NADK2: variants seen among roughly 807,000 people sequenced by gnomAD.
NADK2 encodes NAD kinase domain-containing protein 1, mitochondrial.
Under a neutral mutation model 62.1 loss-of-function variants are expected in NADK2, and 35 were observed. The ratio of observed to expected loss-of-function variants is 0.56; its 90% CI spans 0.43 to 0.75. The LOEUF (loss-of-function observed/expected upper bound fraction) is 0.75. Among genes scored for constraint, NADK2 ranks in the 30% least tolerant of loss-of-function variants. NADK2 has a pLI of 0.00. For missense variants in NADK2, 439 were observed against 561.3 expected, an observed-to-expected ratio of 0.78 and a Z score of 2.20; for synonymous variants, 205 against 207.9, an observed-to-expected ratio of 0.99 and a Z score of 0.12.
rs2112131867 is a variant in NADK2 at position 36,217,757 on chromosome 5, G to A, written c.772C>T (p.His258Tyr). Residue 258 changes from histidine (H) to tyrosine (Y), a missense_variant, in exon 6 of 12, where the codon CAT (histidine) becomes TAT (tyrosine). Coordinates refer to ENST00000381937, the MANE Select transcript of NADK2 (RefSeq NM_001085411.3). ...HNRALNIERA[H>Y]DERSEASGPQ... ...TGCCCAATCCACCTACTTTCATCAT[G>A]AGCTCTTTCAATGTTAAGGGCTCTA... The A allele has an allele frequency of 6.2e-7, 1 of 1,613,704 alleles. No homozygotes were observed. The highest frequency in any genetic ancestry group is 1.7e-5 in the Admixed American group (1 of 59,998).
intron 7 of NADK2, among the ~76,000 whole-genome samples, chr5:36,208,272 T>C (rs538689321): frequency 2.0e-5 from 3 of 152,196 alleles, no homozygotes; most frequent in South Asian, 4.1e-4. Flanking sequence ...TTATTAAAAA[T>C]AAAAGATAGC....
chr5:36,236,197 A>C (rs1343714933), intron 1 of NADK2, among the ~76,000 whole-genome samples: 1 of 152,176 alleles, frequency 6.6e-6, no homozygotes. Flanking sequence ...GCTTATATAC[A>C]GTGAAGGCTG....
intron 7 of NADK2, among the ~76,000 whole-genome samples, chr5:36,211,269 A>G (rs867415998): frequency 6.6e-6 from 1 of 152,210 alleles, no homozygotes; most frequent in African/African-American, 2.4e-5. Flanking sequence ...TAAAAGTATT[A>G]ATTTTGGGAA....
rs1282031443 is a variant in NADK2, at chr5:36,193,852, A to G, written c.*1292T>C. 1 of 152,668 alleles carries G rather than the reference A, an allele frequency of 6.6e-6. No homozygotes were observed. The highest frequency in any genetic ancestry group is 2.4e-5 in the African/African-American group (1 of 41,452). 9.5% of individuals were successfully genotyped at this position (152,668 alleles called of 1,614,324 possible). ...TCTGAGCCCACAAGACTCAAATTGT[A>G]TAAGGATAGAGTCTGTTTCATTCAT... is the stretch of plus-strand genomic sequence containing the variant. On this transcript the variant is annotated 3_prime_UTR_variant, in exon 12 of 12. Transcript: ENST00000381937.
In NADK2 at chr5:36,193,695, T is replaced by C. The variant is rs945871320; in HGVS notation, c.*1449A>G. 2.0e-5 allele frequency: 3 copies of C among 152,506 alleles called. No homozygotes were observed. Among genetic ancestry groups the C allele is most frequent in the African/African-American group, 7.2e-5 (3 of 41,458 alleles). 9.4% of individuals were successfully genotyped at this position (152,506 alleles called of 1,614,324 possible). A position where few individuals can be genotyped will look rare whatever the true frequency, so the allele number is the denominator to read the frequency against. Reference sequence around the variant, plus strand: ...CTTTAAGAAAAATTGATTCTCTGGATATACATCAAAACCTAGATTAACTTT... The same window carrying C: ...CTTTAAGAAAAATTGATTCTCTGGACATACATCAAAACCTAGATTAACTTT... On this transcript the variant is annotated 3_prime_UTR_variant, in exon 12 of 12. Transcript: ENST00000381937.
At position 36,205,672 on chromosome 5, in the gene NADK2, C is replaced by T. The variant is rs750075691; in HGVS notation, c.956+1498G>A. Among the ~76,000 whole-genome samples, 6 of 151,976 alleles carry T rather than the reference C, an allele frequency of 3.9e-5. No homozygotes were observed. Among genetic ancestry groups the T allele is most frequent in the East Asian group, 1.9e-4 (1 of 5,172 alleles). ...ATGCTGGAAAGGATGTGGAGAAATA[C>T]AAACACTTTTACACTGTTGGTGGGA... On this transcript the variant is annotated intron_variant, in intron 8 of 11. Coordinates refer to ENST00000381937, the MANE Select transcript of NADK2 (RefSeq NM_001085411.3). The surrounding 1 kb of genome is among the most constrained non-coding windows in gnomAD (Gnocchi z 4.1).
intron 1 of NADK2, among the ~76,000 whole-genome samples, chr5:36,230,810 A>G (rs1747681890): frequency 6.6e-6 from 1 of 152,146 alleles, no homozygotes. Context: ...AAATTCATCT[A>G]AATATTTGAC....
In NADK2 at chr5:36,211,905, G is replaced by A; in HGVS notation, c.799C>T (p.Pro267Ser). ...AHDERSEASGPQLLPVRALNE... is the reference protein window; with the variant it reads ...AHDERSEASGSQLLPVRALNE... ...AGTGCTCTCACTGGCAGAAGTTGGGGTCCTGAAGCCTCAGACCCTGCATGT... is the reference window on the plus strand; with the variant it reads ...AGTGCTCTCACTGGCAGAAGTTGGGATCCTGAAGCCTCAGACCCTGCATGT... The change falls in exon 7 of 12, where the codon CCC becomes TCC. Residue 267 changes from proline (P) to serine (S), a missense_variant. Pro to Ser is a moderately conservative substitution (Grantham distance 74, BLOSUM62 -1). Transcript: ENST00000381937. 1 of 1,613,502 alleles carries A rather than the reference G, an allele frequency of 6.2e-7. No individual in the cohort carries two copies. The highest frequency in any genetic ancestry group is 8.5e-7 in the Non-Finnish European group (1 of 1,179,648).
chr5:36,240,854 C>T (rs1025094561), intron 1 of NADK2, among the ~76,000 whole-genome samples: 2 of 152,194 alleles, frequency 1.3e-5, no homozygotes, highest in Non-Finnish European at 2.9e-5. Flanking sequence ...GTCAAATTTT[C>T]TCCCTTTTCC....
In NADK2 at chr5:36,200,216, T is replaced by G. The variant is rs775393192; in HGVS notation, c.1066+11A>C. On this transcript the variant is annotated intron_variant, in intron 10 of 11. Coordinates refer to ENST00000381937, the MANE Select transcript of NADK2 (RefSeq NM_001085411.3). ...CTAAACTGTTAGTGATTATTATCAT[T>G]TGTCACTGACCTTTCTCTACCAATT... is the stretch of plus-strand genomic sequence containing the variant. 2 of 1,567,194 alleles carry G rather than the reference T, an allele frequency of 1.3e-6. No individual in the cohort carries two copies. The highest frequency in any genetic ancestry group is 2.8e-5 in the African/African-American group (2 of 72,634).
Position 36,195,044 on chromosome 5 carries a change from G to C in NADK2, c.*100C>G, listed in dbSNP as rs1746176489. Reference sequence around the variant, plus strand: ...TCACTTCTGAGCCCACGGGCAAGCAGTCTCAACAATAACCAAAAAATGTCA... The same window carrying C: ...TCACTTCTGAGCCCACGGGCAAGCACTCTCAACAATAACCAAAAAATGTCA... On this transcript the variant is annotated 3_prime_UTR_variant, in exon 12 of 12. Transcript: ENST00000381937. The C allele has an allele frequency of 3.1e-6, 4 of 1,306,498 alleles. No individual in the cohort carries two copies. The highest frequency in any genetic ancestry group is 4.2e-6 in the Non-Finnish European group (4 of 955,100). 80.9% of individuals were successfully genotyped at this position (1,306,498 alleles called of 1,614,324 possible).
chr5:36,227,134 T>C (rs767732767), intron 2 of NADK2, among the ~76,000 whole-genome samples: 43 of 152,256 alleles, frequency 2.8e-4, no homozygotes, highest in Non-Finnish European at 5.6e-4. Context: ...TTTCAAACAC[T>C]CAAAAATATT....
intron 1 of NADK2, among the ~76,000 whole-genome samples, chr5:36,237,268 A>C (rs908028184): frequency 6.6e-6 from 1 of 152,182 alleles, no homozygotes; most frequent in Non-Finnish European, 1.5e-5. Flanking sequence ...CACAAAATAA[A>C]GTAACATACA....
At chr5:36,199,706 A>G (rs1579596020) in intron 10 of NADK2, among the ~76,000 whole-genome samples, 1 of 152,056 alleles carries the variant, frequency 6.6e-6, no homozygotes, top group African/African-American at 2.4e-5. Context: ...GCCTTGCCCA[A>G]GTTTCACAGC....
At chr5:36,206,543 A>C (rs1746647174) in intron 8 of NADK2, among the ~76,000 whole-genome samples, 2 of 152,042 alleles carry the variant, frequency 1.3e-5, no homozygotes, top group Non-Finnish European at 1.5e-5. Flanking sequence ...TTTTCTCTAG[A>C]GCATGGAGTC....
chr5:36,219,745 T>G (rs1747194142), intron 4 of NADK2, 66 bp from the exon 5 acceptor site: 2 of 1,235,074 alleles, frequency 1.6e-6, no homozygotes, highest in East Asian at 2.3e-5. Flanking sequence ...GCAAAAAAAT[T>G]TAATCAAAAG....
intron 1 of NADK2, among the ~76,000 whole-genome samples, chr5:36,238,507 T>C (rs571605140): frequency 6.6e-6 from 1 of 152,308 alleles, no homozygotes; most frequent in Admixed American, 6.5e-5. Context: ...CCATCCCTGG[T>C]GACAGGTGAA....
At chr5:36,238,165 C>T (rs545149081) in intron 1 of NADK2, among the ~76,000 whole-genome samples, 32 of 152,242 alleles carry the variant, frequency 2.1e-4, no homozygotes, top group African/African-American at 7.5e-4. Context: ...AAGTATACCA[C>T]CTGACAAAAG....
At chr5:36,219,329 G>A (rs1747163841) in intron 5 of NADK2, among the ~76,000 whole-genome samples, 1 of 152,192 alleles carries the variant, frequency 6.6e-6, no homozygotes, top group South Asian at 2.1e-4. Flanking sequence ...TCTCAACTCA[G>A]CCCCGCAAGT....
Sources: gnomAD v4.1 joint callset for allele counts (sites outside exome capture counted in the v4.1 genomes callset) on GRCh38, gnomAD v4.1.1 for gene constraint, Gnocchi (gnomAD v3.1) non-coding constraint, MANE v1.5 for transcripts, NCBI Gene and HGNC (gene_info 2026-07-23, HGNC 2026-07-21) for gene names.